RAB37: variants seen among roughly 807,000 people sequenced by gnomAD.
RAB37 encodes RAB37, member RAS oncogene family, also known as ras-related protein Rab-37.
RAB37 carries 29 observed loss-of-function variants against 33.1 expected under a neutral mutation model. That is an observed-to-expected ratio of 0.88 (90% CI 0.65 to 1.20). The LOEUF (loss-of-function observed/expected upper bound fraction) is 1.20. Among genes scored for constraint, RAB37 ranks in the 50% most tolerant of loss-of-function variants. RAB37 has a pLI of 0.00. For synonymous variants in RAB37, 128 were observed against 119.5 expected (o/e 1.07, Z -0.47); for missense variants, 299 against 301.1 (o/e 0.99, Z 0.05).
chr17:74,716,569 A>AT lies in RAB37; in HGVS notation c.73-12682dup, dbSNP rs141624267. Among the ~76,000 whole-genome samples, 202 of 152,252 alleles carry AT rather than the reference A, an allele frequency of 1.3e-3. 1 individual carries two copies. The highest frequency in any genetic ancestry group is 4.8e-3 in the African/African-American group (199 of 41,538). On this transcript the variant is annotated intron_variant, in intron 1 of 7. Coordinates refer to the RAB37 transcript ENST00000340415. ...CTAGAGGAAAGGTGATGCGTTTCTC[A>AT]TTTTTCAAAGAAATTGAGACGCAGA...
chr17:74,677,110 A>T (rs1462854631), intron 1 of RAB37, among the ~76,000 whole-genome samples: 1 of 152,072 alleles, frequency 6.6e-6, no homozygotes, highest in African/African-American at 2.4e-5. Flanking sequence ...AGATCACACC[A>T]TTGCACTCCA....
rs569682865 is a variant in RAB37 at position 74,685,465 on chromosome 17, G to A, written c.72+13807G>A. Among the ~76,000 whole-genome samples the A allele has an allele frequency of 4.6e-5, 7 of 152,306 alleles. 1 individual carries two copies. In the East Asian group the frequency reaches 9.6e-4, roughly 21 times the overall value. On this transcript the variant is annotated intron_variant, in intron 1 of 7. Coordinates refer to the RAB37 transcript ENST00000340415. Reference sequence around the variant, plus strand: ...GGCCTCCCAAAGTTCTGAGATTACAGGCGTGAACCACTGCTCCAAGCCCTA... The same window carrying A: ...GGCCTCCCAAAGTTCTGAGATTACAAGCGTGAACCACTGCTCCAAGCCCTA...
chr17:74,728,674 TTG>T, intron 1 of RAB37, among the ~76,000 whole-genome samples: 1 of 151,610 alleles, frequency 6.6e-6, no homozygotes, highest in Admixed American at 6.6e-5. Context: ...ATGCATATGT[TTG>T]TGTGTGCATG....
intron 1 of RAB37, chr17:74,705,173 T>C: frequency 1.4e-6 from 1 of 695,178 alleles, no homozygotes; most frequent in Non-Finnish European, 2.6e-6. Flanking sequence ...GGGGAGGAAA[T>C]ACCAGGAGAC....
chr17:74,708,583 G>A (rs1027639515), intron 1 of RAB37, among the ~76,000 whole-genome samples: 1 of 152,160 alleles, frequency 6.6e-6, no homozygotes, highest in Non-Finnish European at 1.5e-5. Context: ...CACCAAGTTG[G>A]GTTTATGCCA....
rs901830231 is a variant in RAB37 at position 74,705,346 on chromosome 17, T to C, written c.73-23910T>C. 6 of 670,228 alleles carry C rather than the reference T, an allele frequency of 9.0e-6. No homozygotes were observed. In the Admixed American group the frequency reaches 1.2e-4, roughly 14 times the overall value. The allele number at this position is 670,228 out of a possible 1,614,324, so 41.5% of individuals were successfully genotyped here. The stretch of plus-strand genomic sequence containing the variant: ...CCTGGATGAATGCCTTTGAAGTTGA[T>C]CAAAACAGCAACGGCAACTGGTCTC... On this transcript the variant is annotated intron_variant, in intron 1 of 7. Transcript: ENST00000340415.
chr17:74,729,230 GCTCT>G lies in RAB37; in HGVS notation c.73-19_73-16del, dbSNP rs759449094. The stretch of plus-strand genomic sequence containing the variant: ...GGCCAACTCACATCACAGGCCCTCA[GCTCT>G]CTCTCTATTGTTCCCTTCCAGACCA... On this transcript the variant is annotated intron_variant, in intron 1 of 7. Transcript: ENST00000340415. The surrounding 1 kb of genome is among the most constrained non-coding windows in gnomAD (Gnocchi z 4.2). 1.3e-6 allele frequency: 2 copies of G among 1,565,734 alleles called. No homozygotes were observed. Among genetic ancestry groups the G allele is most frequent in the Non-Finnish European group, 8.8e-7 (1 of 1,135,988 alleles).
In RAB37 at chr17:74,746,234, T is replaced by C. The variant is rs2034756923; in HGVS notation, c.*823T>C. 1 of 152,186 alleles carries C rather than the reference T, an allele frequency of 6.6e-6. No homozygotes were observed. Among genetic ancestry groups the C allele is most frequent in the African/African-American group, 2.4e-5 (1 of 41,420 alleles). 9.4% of individuals were successfully genotyped at this position (152,186 alleles called of 1,614,324 possible). On this transcript the variant is annotated 3_prime_UTR_variant, in exon 9 of 9. Coordinates refer to ENST00000392613, the MANE Select transcript of RAB37 (RefSeq NM_001006638.3). This position sits in a 1 kb window ranked among gnomAD's most constrained non-coding sequence, Gnocchi z 5.2. Reference sequence around the variant, plus strand: ...AACTAGGAAAAGAGTTTTGTTTTTATTTTTTTGAAATGGAGTCTCGTTCTG... The same window carrying C: ...AACTAGGAAAAGAGTTTTGTTTTTACTTTTTTGAAATGGAGTCTCGTTCTG...
At position 74,744,073 on chromosome 17, in the gene RAB37, T is replaced by C. The variant is rs1447821271; in HGVS notation, c.367-235T>C. 6.6e-6 allele frequency among the ~76,000 whole-genome samples: 1 copy of C among 152,110 alleles called. No individual in the cohort carries two copies. The highest frequency in any genetic ancestry group is 2.4e-5 in the African/African-American group (1 of 41,406). On this transcript the variant is annotated intron_variant, in intron 5 of 8. Transcript: ENST00000392613. The surrounding 1 kb of genome is among the most constrained non-coding windows in gnomAD (Gnocchi z 4.2). ...GAGATAAGGTCTCCATGCATCTGGA[T>C]CTTCCATAGAACTGATAGTTGCACA... is the stretch of plus-strand genomic sequence containing the variant.
intron 1 of RAB37, among the ~76,000 whole-genome samples, chr17:74,739,525 CTTTT>C (rs1166150273): frequency 7.6e-6 from 1 of 131,308 alleles, no homozygotes; most frequent in Non-Finnish European, 1.6e-5. Flanking sequence ...TTCATGCAAC[CTTTT>C]TTTTTTTTTT....
At chr17:74,733,471 T>G, upstream of RAB37, among the ~76,000 whole-genome samples, 1 of 151,844 alleles carries the variant, frequency 6.6e-6, no homozygotes, top group Non-Finnish European at 1.5e-5. Context: ...TTGAGGGATG[T>G]GTGTGGTGTG....
chr17:74,742,102 T>G lies in RAB37; in HGVS notation c.205-152T>G, dbSNP rs541563028. 142 of 853,754 alleles carry G rather than the reference T, an allele frequency of 1.7e-4. No individual in the cohort carries two copies. The South Asian group carries it at 2.3e-3, about 14-fold the overall frequency. 52.9% of individuals were successfully genotyped at this position (853,754 alleles called of 1,614,324 possible). Reference sequence around the variant, plus strand: ...CAGTGGAGGTGTCTGGGTATGGGGTTCCTGCTGCCCTGATGGTATGATCTG... The same window carrying G: ...CAGTGGAGGTGTCTGGGTATGGGGTGCCTGCTGCCCTGATGGTATGATCTG... On this transcript the variant is annotated intron_variant, in intron 2 of 8. Coordinates refer to ENST00000392613, the MANE Select transcript of RAB37 (RefSeq NM_001006638.3). The surrounding 1 kb of genome is among the most constrained non-coding windows in gnomAD (Gnocchi z 4.0).
At chr17:74,677,332 A>T (rs2031856024) in intron 1 of RAB37, 1 of 151,972 alleles carries the variant, frequency 6.6e-6, no homozygotes, top group Non-Finnish European at 1.5e-5. Flanking sequence ...GACAAATAAA[A>T]CAGCAAAAGA....
rs143484881 is a variant in RAB37, at chr17:74,713,035, C to A, written c.73-16221C>A. ...AGGAAGGAGGTGGTTGGTTGGGCAC[C>A]GTGGCTCAGGCCTGTAATCCTGGCA... On this transcript the variant is annotated intron_variant, in intron 1 of 7. Coordinates refer to the RAB37 transcript ENST00000340415. 7 of 672,924 alleles carry A rather than the reference C, an allele frequency of 1.0e-5. No individual in the cohort carries two copies. In the South Asian group the frequency reaches 1.1e-4, roughly 11 times the overall value. The allele number at this position is 672,924 out of a possible 1,614,324, so 41.7% of individuals were successfully genotyped here.
rs1301813965 is a variant in RAB37, at chr17:74,744,827, G to A, written c.433-46G>A. The A allele has an allele frequency of 1.9e-6, 3 of 1,611,078 alleles. No homozygotes were observed. Among genetic ancestry groups the A allele is most frequent in the East Asian group, 2.2e-5 (1 of 44,876 alleles). Reference sequence around the variant, plus strand: ...TTCTGGGGCAAAATATGGGCCCGCTGGGGCGGAGGCCTCCTTCCCCAGAGT... The same window carrying A: ...TTCTGGGGCAAAATATGGGCCCGCTAGGGCGGAGGCCTCCTTCCCCAGAGT... On this transcript the variant is annotated intron_variant, in intron 6 of 8. Coordinates refer to ENST00000392613, the MANE Select transcript of RAB37 (RefSeq NM_001006638.3). The surrounding 1 kb of genome is among the most constrained non-coding windows in gnomAD (Gnocchi z 4.2).
chr17:74,685,180 T>C (rs2032030531), intron 1 of RAB37, among the ~76,000 whole-genome samples: 1 of 151,782 alleles, frequency 6.6e-6, no homozygotes. Context: ...AGAAGGTTAA[T>C]TGGGTTACTT....
intron 1 of RAB37, among the ~76,000 whole-genome samples, chr17:74,708,271 C>T (rs189688080): frequency 3.7e-4 from 57 of 152,006 alleles, no homozygotes; most frequent in Non-Finnish European, 3.4e-4. Context: ...TAAATCAAAT[C>T]CCTTGTTTAA....
intron 1 of RAB37, among the ~76,000 whole-genome samples, chr17:74,697,652 G>A (rs575864895): frequency 6.6e-6 from 1 of 150,890 alleles, no homozygotes; most frequent in South Asian, 2.2e-4. Context: ...ATGTGGAAGT[G>A]AAGCCACATT....
At chr17:74,737,095 G>C, upstream of RAB37, 1 of 1,604,918 alleles carries the variant, frequency 6.2e-7, no homozygotes, top group African/African-American at 1.3e-5. Context: ...CTGCGGCTCT[G>C]CGTGCCCTCA....
Sources: allele counts gnomAD v4.1 joint callset (sites outside exome capture counted in the v4.1 genomes callset), GRCh38; gene constraint gnomAD v4.1.1; non-coding constraint Gnocchi (gnomAD v3.1); transcripts MANE v1.5; gene names NCBI Gene and HGNC (gene_info 2026-07-23, HGNC 2026-07-21).